DLG2: variants seen among roughly 807,000 people sequenced by gnomAD.
DLG2 encodes the protein discs large MAGUK scaffold protein 2, also known as disks large homolog 2.
Under a neutral mutation model 132.5 loss-of-function variants are expected in DLG2, and 45 were observed. That is an observed-to-expected ratio of 0.34 (90% CI 0.27 to 0.44). The LOEUF (loss-of-function observed/expected upper bound fraction) is 0.44, where lower values mean the gene tolerates loss of function less well. DLG2 is among the 20% of genes least tolerant of loss of function. The pLI, the probability that DLG2 is intolerant of heterozygous loss-of-function variation, is 1.00. For synonymous variants in DLG2, 424 were observed against 419.6 expected (o/e 1.01, Z -0.13); for missense variants, 1,045 against 1,196.9 (o/e 0.87, Z 1.87).
chr11:83,842,571 G>A (rs1039533149), intron 16 of DLG2, among the ~76,000 whole-genome samples: 2 of 144,950 alleles, frequency 1.4e-5, no homozygotes, highest in African/African-American at 2.5e-5. Flanking sequence ...GCTCATGCTT[G>A]TAGTCCCAGC....
intron 17 of DLG2, among the ~76,000 whole-genome samples, chr11:83,824,652 C>T (rs569035644): frequency 3.9e-5 from 6 of 152,244 alleles, no homozygotes; most frequent in African/African-American, 1.2e-4. Flanking sequence ...AAAAAATTTG[C>T]TGCAGGACTT....
At chr11:84,679,832 C>T (rs2099724241) in intron 6 of DLG2, among the ~76,000 whole-genome samples, 2 of 151,790 alleles carry the variant, frequency 1.3e-5, no homozygotes, top group South Asian at 4.2e-4. Context: ...GGATCCAGAC[C>T]CCAGACTCTT....
intron 21 of DLG2, among the ~76,000 whole-genome samples, chr11:83,507,795 T>TC (rs2094807031): frequency 7.7e-6 from 1 of 129,276 alleles, no homozygotes; most frequent in Admixed American, 8.0e-5. Flanking sequence ...TATATATATA[T>TC]ATATGTATAT....
At chr11:83,576,153 C>T (rs2096870417) in intron 19 of DLG2, among the ~76,000 whole-genome samples, 1 of 151,998 alleles carries the variant, frequency 6.6e-6, no homozygotes, top group Non-Finnish European at 1.5e-5. Flanking sequence ...TAAACAATGC[C>T]TAAAATATTA....
chr11:84,381,214 T>C (rs967213678), intron 7 of DLG2, among the ~76,000 whole-genome samples: 3 of 152,056 alleles, frequency 2.0e-5, no homozygotes, highest in African/African-American at 7.2e-5. Flanking sequence ...ATATAAATAT[T>C]AAAACAGTGA....
At chr11:85,449,009 A>G (rs781069254) in intron 3 of DLG2, among the ~76,000 whole-genome samples, 6 of 152,130 alleles carry the variant, frequency 3.9e-5, no homozygotes, top group African/African-American at 7.2e-5. Flanking sequence ...CTCAGTCATT[A>G]TTGATCCTCT....
intron 7 of DLG2, among the ~76,000 whole-genome samples, chr11:84,475,635 T>C (rs971196263): frequency 6.6e-6 from 1 of 152,102 alleles, no homozygotes; most frequent in African/African-American, 2.4e-5. Flanking sequence ...ATAGATATCA[T>C]GCTACAAATC....
At chr11:84,445,922 A>G (rs1348838989) in intron 7 of DLG2, among the ~76,000 whole-genome samples, 2 of 151,034 alleles carry the variant, frequency 1.3e-5, no homozygotes, top group East Asian at 1.9e-4. Context: ...CCTCAAAAAA[A>G]AAAAAAAAAA....
chr11:84,112,073 C>A (rs143837474), intron 9 of DLG2, among the ~76,000 whole-genome samples: 1 of 151,976 alleles, frequency 6.6e-6, no homozygotes, highest in South Asian at 2.1e-4. Context: ...AGTACAGTGG[C>A]GCGATCTTGG....
chr11:83,609,501 C>T (rs957060416), intron 19 of DLG2, among the ~76,000 whole-genome samples: 1 of 152,130 alleles, frequency 6.6e-6, no homozygotes, highest in Non-Finnish European at 1.5e-5. Context: ...GTTTTAGTTA[C>T]AATGTACACA....
chr11:85,552,485 A>AT (rs1371021620), intron 3 of DLG2, among the ~76,000 whole-genome samples: 1 of 151,746 alleles, frequency 6.6e-6, no homozygotes, highest in African/African-American at 2.4e-5. Context: ...CTCCCAAAAA[A>AT]AAAGTTTAGA....
chr11:83,909,271 A>T (rs2075618371), intron 15 of DLG2, among the ~76,000 whole-genome samples: 1 of 152,226 alleles, frequency 6.6e-6, no homozygotes, highest in Non-Finnish European at 1.5e-5. Context: ...CTGTTTTCCC[A>T]TCTGTACATT....
chr11:84,055,617 T>A (rs948794514), intron 11 of DLG2, among the ~76,000 whole-genome samples: 1 of 152,110 alleles, frequency 6.6e-6, no homozygotes, highest in Non-Finnish European at 1.5e-5. Context: ...TACTTCTATC[T>A]GGGATGCTCT....
intron 6 of DLG2, among the ~76,000 whole-genome samples, chr11:84,726,505 G>A (rs1443869970): frequency 9.9e-5 from 15 of 152,086 alleles, no homozygotes; most frequent in Admixed American, 9.8e-4. Flanking sequence ...TCTTTATCTG[G>A]TCTATTTTTG....
chr11:84,747,153 G>A (rs2065482330), intron 6 of DLG2, among the ~76,000 whole-genome samples: 1 of 152,122 alleles, frequency 6.6e-6, no homozygotes, highest in Non-Finnish European at 1.5e-5. Context: ...CAAGTTCTGT[G>A]AGGAAGAAGG....
At chr11:84,191,472 C>T (rs569234414) in intron 8 of DLG2, among the ~76,000 whole-genome samples, 1 of 152,178 alleles carries the variant, frequency 6.6e-6, no homozygotes, top group Non-Finnish European at 1.5e-5. Context: ...TCAAAAACTA[C>T]ATTAGAAACT....
At chr11:84,341,663 C>A (rs144808745) in intron 7 of DLG2, among the ~76,000 whole-genome samples, 1 of 152,352 alleles carries the variant, frequency 6.6e-6, no homozygotes, top group African/African-American at 2.4e-5. Context: ...TACCTTAAGG[C>A]TTCTCAGCCC....
chr11:85,591,324 AT>A (rs1472369542), intron 3 of DLG2, among the ~76,000 whole-genome samples: 1 of 152,226 alleles, frequency 6.6e-6, no homozygotes, highest in African/African-American at 2.4e-5. Flanking sequence ...CCTAGAAGAC[AT>A]TTTAAAAGCA....
In DLG2 at chr11:85,209,445, CTTTTTTT is replaced by C. The variant is rs1164394816; in HGVS notation, c.187-54801_187-54795del. The stretch of plus-strand genomic sequence containing the variant: ...AACTTATGGGCACAAAGAAATCAGT[CTTTTTTT>C]TTTTTTTTTTTTTTTGAGACAGAGA... On this transcript the variant is annotated intron_variant, in intron 4 of 27. Coordinates refer to ENST00000376104, the MANE Select transcript of DLG2 (RefSeq NM_001142699.3). Among the ~76,000 whole-genome samples, 6 of 74,450 alleles carry C rather than the reference CTTTTTTT, an allele frequency of 8.1e-5. 1 individual carries two copies. Among genetic ancestry groups the C allele is most frequent in the Admixed American group, 2.0e-4 (1 of 5,090 alleles). 48.8% of individuals were successfully genotyped at this position (74,450 alleles called of 152,430 possible).
Sources: allele counts gnomAD v4.1 joint callset (sites outside exome capture counted in the v4.1 genomes callset), GRCh38; gene constraint gnomAD v4.1.1; transcripts MANE v1.5; gene names NCBI Gene and HGNC (gene_info 2026-07-23, HGNC 2026-07-21).